The following RBFOX1 variants were observed in gnomAD, a reference collection of about 807,000 sequenced individuals.
The protein encoded by RBFOX1 is RNA binding fox-1 homolog 1, also known as RNA binding protein fox-1 homolog 1.
In RBFOX1, 8 loss-of-function variants were observed where a neutral mutation model predicts 57.7. That is an observed-to-expected ratio of 0.14 (90% CI 0.08 to 0.25). RBFOX1 has a LOEUF of 0.25. Among genes scored for constraint, RBFOX1 ranks in the 10% least tolerant of loss-of-function variants. The probability of loss-of-function intolerance (pLI) is 1.00; values close to 1 mark genes in which losing one functional copy is unlikely to be tolerated. For synonymous variants in RBFOX1, 326 were observed against 222.4 expected (o/e 1.47, Z -4.15); for missense variants, 611 against 548.5 (o/e 1.11, Z -1.14).
At chr16:6,190,883 C>T (rs758626263) in intron 1 of RBFOX1, among the ~76,000 whole-genome samples, 1 of 152,146 alleles carries the variant, frequency 6.6e-6, no homozygotes, top group Non-Finnish European at 1.5e-5. Flanking sequence ...ATATGCCTCT[C>T]CATCTTGTGT....
intron 2 of RBFOX1, among the ~76,000 whole-genome samples, chr16:6,605,111 C>A (rs1333560201): frequency 6.6e-6 from 1 of 152,074 alleles, no homozygotes; most frequent in African/African-American, 2.4e-5. Flanking sequence ...CAGTGGTGCG[C>A]ACCTGTAGTC....
chr16:7,071,521 C>T (rs1007121463), intron 4 of RBFOX1, among the ~76,000 whole-genome samples: 1 of 151,554 alleles, frequency 6.6e-6, no homozygotes, highest in African/African-American at 2.4e-5. Flanking sequence ...GATTTGAAAG[C>T]AACTACAACT....
chr16:5,712,437 G>A (rs1179706477), intron 3 of RBFOX1, among the ~76,000 whole-genome samples: 2 of 152,156 alleles, frequency 1.3e-5, no homozygotes, highest in Non-Finnish European at 2.9e-5. Flanking sequence ...CAGTTATTGG[G>A]CTCAGATCTG....
intron 2 of RBFOX1, among the ~76,000 whole-genome samples, chr16:6,366,527 C>A (rs906612819): frequency 2.6e-5 from 4 of 152,152 alleles, no homozygotes; most frequent in Non-Finnish European, 2.9e-5. Flanking sequence ...CAATATGACA[C>A]CACCTGAATT....
chr16:5,419,343 C>G (rs753363902), intron 1 of RBFOX1, among the ~76,000 whole-genome samples: 1 of 152,098 alleles, frequency 6.6e-6, no homozygotes, highest in Non-Finnish European at 1.5e-5. Context: ...TGTTCAAGGG[C>G]AGGAAGCATC....
intron 4 of RBFOX1, among the ~76,000 whole-genome samples, chr16:5,914,844 G>A (rs1307079933): frequency 6.6e-6 from 1 of 151,984 alleles, no homozygotes; most frequent in Admixed American, 6.6e-5. Flanking sequence ...GCAGTGAGCC[G>A]AGACTGTGCC....
intron 3 of RBFOX1, among the ~76,000 whole-genome samples, chr16:6,769,950 C>G (rs941131793): frequency 4.6e-5 from 7 of 152,250 alleles, no homozygotes; most frequent in Admixed American, 3.3e-4. Flanking sequence ...CTGTTCCTAT[C>G]TATGTGCCTT....
chr16:7,171,212 C>G (rs1277191786), intron 4 of RBFOX1, among the ~76,000 whole-genome samples: 1 of 152,190 alleles, frequency 6.6e-6, no homozygotes, highest in Non-Finnish European at 1.5e-5. Flanking sequence ...TACTAACTCC[C>G]AGGTCTAACC....
chr16:6,701,312 G>A (rs1306195899), intron 3 of RBFOX1, among the ~76,000 whole-genome samples: 1 of 152,210 alleles, frequency 6.6e-6, no homozygotes, highest in Non-Finnish European at 1.5e-5. Context: ...GCCTGCTGAC[G>A]TCACCCCCTG....
chr16:5,292,763 A>C (rs2063566213), intron 1 of RBFOX1, among the ~76,000 whole-genome samples: 1 of 152,006 alleles, frequency 6.6e-6, no homozygotes, highest in South Asian at 2.1e-4. Flanking sequence ...AGCTGGGCTT[A>C]CAGGCATGTG....
At chr16:6,801,979 A>G (rs907348209) in intron 3 of RBFOX1, among the ~76,000 whole-genome samples, 7 of 152,160 alleles carry the variant, frequency 4.6e-5, no homozygotes, top group African/African-American at 1.7e-4. Flanking sequence ...GATTACCCTT[A>G]TCTTGTCTCG....
At chr16:7,438,674 C>T (rs1300168670) in intron 4 of RBFOX1, among the ~76,000 whole-genome samples, 5 of 152,194 alleles carry the variant, frequency 3.3e-5, no homozygotes, top group African/African-American at 1.2e-4. Context: ...CCCATTAAAA[C>T]TCCTTTAACG....
chr16:7,467,016 A>G (rs1262495885), intron 4 of RBFOX1, among the ~76,000 whole-genome samples: 1 of 152,192 alleles, frequency 6.6e-6, no homozygotes, highest in African/African-American at 2.4e-5. Flanking sequence ...GGCGAACCAA[A>G]CAGATATGTC....
chr16:7,071,542 T>C (rs1271821203), intron 4 of RBFOX1, among the ~76,000 whole-genome samples: 4 of 151,786 alleles, frequency 2.6e-5, no homozygotes, highest in African/African-American at 9.7e-5. Flanking sequence ...TGATCACAAA[T>C]TGTTGTTGGG....
chr16:5,597,275 C>G (rs1041459934), intron 2 of RBFOX1, among the ~76,000 whole-genome samples: 1 of 147,064 alleles, frequency 6.8e-6, no homozygotes, highest in South Asian at 2.2e-4. Flanking sequence ...CTGTCCTTCC[C>G]TCTTTCTCTC....
At chr16:6,979,591 A>G (rs1438031043) in intron 3 of RBFOX1, among the ~76,000 whole-genome samples, 1 of 152,198 alleles carries the variant, frequency 6.6e-6, no homozygotes, top group Admixed American at 6.5e-5. Flanking sequence ...AGCACAGTAC[A>G]GGGGTGTGAC....
intron 4 of RBFOX1, among the ~76,000 whole-genome samples, chr16:7,363,556 C>T (rs2097372206): frequency 6.6e-6 from 1 of 152,012 alleles, no homozygotes; most frequent in Non-Finnish European, 1.5e-5. Context: ...AAGTGCCTGG[C>T]ATAAAATGGG....
At position 5,576,584 on chromosome 16, in the gene RBFOX1, G is replaced by A. The variant is rs193233842; in HGVS notation, c.259-22318G>A. Among the ~76,000 whole-genome samples the A allele has an allele frequency of 2.7e-3, 404 of 152,306 alleles. 8 individuals are homozygous for A. The highest frequency in any genetic ancestry group is 0.015 in the South Asian group (71 of 4,824). Reference sequence around the variant, plus strand: ...GCCCCTTTCCCCCGTAGACCCTAATGAGGTTTTGCATTAACGGGAACTAGG... The same window carrying A: ...GCCCCTTTCCCCCGTAGACCCTAATAAGGTTTTGCATTAACGGGAACTAGG... On this transcript the variant is annotated intron_variant, in intron 2 of 2. Coordinates refer to the RBFOX1 transcript ENST00000585867.
At chr16:6,459,965 C>G (rs1175456471) in intron 2 of RBFOX1, among the ~76,000 whole-genome samples, 1 of 85,544 alleles carries the variant, frequency 1.2e-5, no homozygotes, top group African/African-American at 4.3e-5. Flanking sequence ...GCCCGGGCAA[C>G]AAGAGTGAAA....
Sources: allele counts gnomAD v4.1 joint callset (sites outside exome capture counted in the v4.1 genomes callset), GRCh38; gene constraint gnomAD v4.1.1; transcripts MANE v1.5; gene names NCBI Gene and HGNC (gene_info 2026-07-23, HGNC 2026-07-21).